The following DLGAP1 variants were observed in gnomAD, a reference collection of about 807,000 sequenced individuals.
The protein encoded by DLGAP1 is disks large-associated protein 1.
A neutral mutation model predicts 90.8 loss-of-function variants in DLGAP1; 11 were observed. The observed-to-expected ratio is 0.12, with a 90% CI of 0.08 to 0.20. The LOEUF (loss-of-function observed/expected upper bound fraction) is 0.20, where lower values mean the gene tolerates loss of function less well. Ranked by LOEUF, DLGAP1 falls within the 10% of genes least tolerant of loss-of-function variation. The pLI is 1.00. For missense variants in DLGAP1, 1,050 were observed against 1,333.8 expected (o/e 0.79, Z 3.31); for synonymous variants, 558 against 540.7 (o/e 1.03, Z -0.44).
intron 2 of DLGAP1, among the ~76,000 whole-genome samples, chr18:4,076,205 T>C (rs2075521073): frequency 6.6e-6 from 1 of 152,176 alleles, no homozygotes; most frequent in Non-Finnish European, 1.5e-5. Context: ...CCATATATTT[T>C]ATTTAAAAAA....
chr18:3,657,050 G>A (rs1352505240), intron 7 of DLGAP1, among the ~76,000 whole-genome samples: 2 of 152,024 alleles, frequency 1.3e-5, no homozygotes, highest in African/African-American at 2.4e-5. Context: ...TTGGCTTTTC[G>A]GTGAATTTAA....
At chr18:4,050,576 G>T (rs1024345565) in intron 2 of DLGAP1, among the ~76,000 whole-genome samples, 1 of 152,170 alleles carries the variant, frequency 6.6e-6, no homozygotes, top group Admixed American at 6.5e-5. Flanking sequence ...ATACTCAATG[G>T]AAACTTGCAC....
intron 7 of DLGAP1, among the ~76,000 whole-genome samples, chr18:3,646,680 T>C (rs2059126311): frequency 6.6e-6 from 1 of 152,222 alleles, no homozygotes; most frequent in Non-Finnish European, 1.5e-5. Flanking sequence ...ATCCCAGCAC[T>C]GTGGGAGGCC....
intron 7 of DLGAP1, among the ~76,000 whole-genome samples, chr18:3,694,357 T>C (rs1218303255): frequency 6.6e-6 from 1 of 152,224 alleles, no homozygotes; most frequent in Non-Finnish European, 1.5e-5. Context: ...TATGTGTGCA[T>C]GTGTCTTTAT....
At chr18:3,801,149 T>A (rs2066269464) in intron 5 of DLGAP1, among the ~76,000 whole-genome samples, 2 of 152,108 alleles carry the variant, frequency 1.3e-5, no homozygotes, top group African/African-American at 4.8e-5. Context: ...GTCGTGTTGA[T>A]GAGGACGGCA....
chr18:4,337,346 A>G (rs1347526140), intron 1 of DLGAP1, among the ~76,000 whole-genome samples: 1 of 148,258 alleles, frequency 6.7e-6, no homozygotes, highest in Non-Finnish European at 1.5e-5. Context: ...GGTGCATGCC[A>G]CCACGCCCGG....
chr18:3,812,215 G>T (rs533925302), intron 5 of DLGAP1, among the ~76,000 whole-genome samples: 4 of 152,266 alleles, frequency 2.6e-5, no homozygotes, highest in African/African-American at 9.6e-5. Context: ...GTCCATAGAA[G>T]AATTTTTTTT....
At position 3,626,962 on chromosome 18, in the gene DLGAP1, G is replaced by GCA. The variant is rs1255467955; in HGVS notation, c.1592-44716_1592-44715dup. Among the ~76,000 whole-genome samples, 15 of 152,222 alleles carry GCA rather than the reference G, an allele frequency of 9.9e-5. No individual in the cohort carries two copies. The East Asian group carries it at 2.9e-3, about 29-fold the overall frequency. ...TGGTGATGGTTGTACAACTCTGTGA[G>GCA]CACACACACAAAAAACGCTGAATTG... On this transcript the variant is annotated intron_variant, in intron 7 of 12. Transcript: ENST00000315677.
chr18:4,388,620 A>T (rs902429118), intron 1 of DLGAP1, among the ~76,000 whole-genome samples: 4 of 152,192 alleles, frequency 2.6e-5, no homozygotes, highest in African/African-American at 9.7e-5. Flanking sequence ...ATTGCAGGTA[A>T]GATGCCCAAA....
intron 3 of DLGAP1, chr18:3,983,340 C>G (rs543938366): frequency 5.3e-5 from 8 of 152,132 alleles, no homozygotes; most frequent in Non-Finnish European, 1.2e-4. Flanking sequence ...TTTGTATGTT[C>G]TAACAGGACC....
At position 3,992,894 on chromosome 18, in the gene DLGAP1, C is replaced by T. The variant is rs536676334; in HGVS notation, c.-73+12222G>A. On this transcript the variant is annotated intron_variant, in intron 3 of 12. Transcript: ENST00000315677. The stretch of plus-strand genomic sequence containing the variant: ...AAAGAAAAGGAACGCTGGCAATTCA[C>T]AAGACACCTCAGCAATGTAGCATCT... 2.6e-5 allele frequency among the ~76,000 whole-genome samples: 4 copies of T among 152,232 alleles called. No individual in the cohort carries two copies. In the South Asian group the frequency reaches 8.3e-4, roughly 32 times the overall value.
chr18:4,265,995 T>C (rs527950409), intron 1 of DLGAP1, among the ~76,000 whole-genome samples: 9 of 152,122 alleles, frequency 5.9e-5, no homozygotes, highest in African/African-American at 2.2e-4. Flanking sequence ...ACTATTAATA[T>C]AATTAACACT....
Position 4,196,446 on chromosome 18 carries a change from T to C in DLGAP1, c.-266-45159A>G, listed in dbSNP as rs368459938. On this transcript the variant is annotated intron_variant, in intron 1 of 12. Transcript: ENST00000315677. ...CAAAGTTTCACACAGTATTCATGTA[T>C]TATTCATTTATAAAAACACTGCTTA... 2.8e-4 allele frequency among the ~76,000 whole-genome samples: 42 copies of C among 152,364 alleles called. No individual in the cohort carries two copies. The South Asian group carries it at 7.9e-3, about 29-fold the overall frequency.
intron 1 of DLGAP1, among the ~76,000 whole-genome samples, chr18:4,374,575 T>A (rs545123263): frequency 6.6e-6 from 1 of 152,112 alleles, no homozygotes; most frequent in Non-Finnish European, 1.5e-5. Flanking sequence ...AAATGACATA[T>A]AGTTTAAAGA....
intron 4 of DLGAP1, chr18:3,874,221 T>C: frequency 4.5e-6 from 7 of 1,549,966 alleles, no homozygotes; most frequent in Non-Finnish European, 5.2e-6. Context: ...CTTAAAAAGG[T>C]CGATCATTTT....
chr18:3,517,926 C>T lies in DLGAP1; in HGVS notation c.2480-9265G>A, dbSNP rs1192192164. ...CTCTCCAGACCACTCAAACTTCATC[C>T]ATATCAACAAAAAGGCTGTTTCGCT... is the stretch of plus-strand genomic sequence containing the variant. On this transcript the variant is annotated intron_variant, in intron 10 of 12. Coordinates refer to ENST00000315677, the MANE Select transcript of DLGAP1 (RefSeq NM_004746.4). The surrounding 1 kb of genome is among the most constrained non-coding windows in gnomAD (Gnocchi z 4.1). Among the ~76,000 whole-genome samples the T allele has an allele frequency of 6.6e-6, 1 of 152,114 alleles. No homozygotes were observed. The highest frequency in any genetic ancestry group is 2.4e-5 in the African/African-American group (1 of 41,422).
chr18:4,240,673 G>T (rs1338588748), intron 1 of DLGAP1, among the ~76,000 whole-genome samples: 2 of 152,136 alleles, frequency 1.3e-5, no homozygotes, highest in Non-Finnish European at 2.9e-5. Context: ...CATAATCAGA[G>T]CCTTTTGGAT....
At chr18:4,139,661 T>G (rs577767526) in intron 2 of DLGAP1, among the ~76,000 whole-genome samples, 1 of 152,112 alleles carries the variant, frequency 6.6e-6, no homozygotes, top group South Asian at 2.1e-4. Flanking sequence ...TTAAGTCCAA[T>G]GTTTCTTTGT....
chr18:4,425,326 ATG>A (rs67375674), intron 1 of DLGAP1, among the ~76,000 whole-genome samples: 70,277 of 151,824 alleles, frequency 0.46, 17,645 homozygotes, highest in East Asian at 0.57. Context: ...GTGACTAACC[ATG>A]TTCATGCTTT....
Sources: gnomAD v4.1 joint callset for allele counts (sites outside exome capture counted in the v4.1 genomes callset) on GRCh38, gnomAD v4.1.1 for gene constraint, Gnocchi (gnomAD v3.1) non-coding constraint, MANE v1.5 for transcripts, NCBI Gene and HGNC (gene_info 2026-07-23, HGNC 2026-07-21) for gene names.